Variants in CEP112 observed in about 807,000 individuals in gnomAD.
CEP112 encodes the protein centrosomal protein of 112 kDa.
Under a neutral mutation model 153.0 loss-of-function variants are expected in CEP112, and 127 were observed. The observed-to-expected ratio is 0.83, with a 90% CI of 0.72 to 0.96. CEP112 has a LOEUF of 0.96. Ranked by LOEUF, CEP112 falls within the 40% of genes least tolerant of loss-of-function variation. CEP112 has a pLI of 0.00. For missense variants in CEP112, 1,089 were observed against 1,101.2 expected, an observed-to-expected ratio of 0.99 and a Z score of 0.16; for synonymous variants, 358 against 374.4, an observed-to-expected ratio of 0.96 and a Z score of 0.51.
chr17:65,794,935 G>A (rs1204867978), intron 21 of CEP112, among the ~76,000 whole-genome samples: 1 of 152,232 alleles, frequency 6.6e-6, no homozygotes, highest in Admixed American at 6.5e-5. Context: ...ACTGTGATCT[G>A]TTTTGTTCAT....
At chr17:65,959,827 A>G in intron 18 of CEP112, among the ~76,000 whole-genome samples, 1 of 151,986 alleles carries the variant, frequency 6.6e-6, no homozygotes, top group East Asian at 1.9e-4. Context: ...TTGCTCACAT[A>G]CCCCTTGCTG....
chr17:66,031,918 C>T (rs1325693211), intron 12 of CEP112, among the ~76,000 whole-genome samples: 3 of 152,058 alleles, frequency 2.0e-5, no homozygotes, highest in Non-Finnish European at 4.4e-5. Context: ...AGATGGTGGC[C>T]GAGGCAGCCA....
In CEP112 at chr17:66,077,359, A is replaced by T. The variant is rs559295902; in HGVS notation, c.769-7358T>A. ...AGGAAATAGATAGCATAAAGAAAAA[A>T]CAATCAAAACTTCAGGAAAACATTG... On this transcript the variant is annotated intron_variant, in intron 8 of 26. Coordinates refer to ENST00000535342, the MANE Select transcript of CEP112 (RefSeq NM_001199165.4). 1.7e-3 allele frequency among the ~76,000 whole-genome samples: 266 copies of T among 152,332 alleles called. 1 individual carries two copies. The highest frequency in any genetic ancestry group is 3.0e-3 in the Non-Finnish European group (202 of 68,038).
At chr17:66,184,775 A>G (rs2072859985) in intron 1 of CEP112, among the ~76,000 whole-genome samples, 1 of 152,174 alleles carries the variant, frequency 6.6e-6, no homozygotes, top group Admixed American at 6.5e-5. Context: ...AAAAATCTAT[A>G]TACACAAAAA....
At chr17:65,636,949 C>A in intron 26 of CEP112, 175 bp downstream of exon 26, 1 of 604,638 alleles carries the variant, frequency 1.7e-6, no homozygotes. Context: ...AGACTAAGCA[C>A]TGGGATGAGA....
intron 19 of CEP112, among the ~76,000 whole-genome samples, chr17:65,915,507 C>T (rs2060443713): frequency 6.6e-6 from 1 of 151,978 alleles, no homozygotes; most frequent in Non-Finnish European, 1.5e-5. Flanking sequence ...CAAACTAGGC[C>T]GGGTGCAGTA....
In CEP112 at chr17:66,129,840, A is replaced by T; in HGVS notation, c.565-17T>A. On this transcript the variant is annotated splice_polypyrimidine_tract_variant and intron_variant, in intron 5 of 26. Coordinates refer to ENST00000535342, the MANE Select transcript of CEP112 (RefSeq NM_001199165.4). ...ATAAACTTCCTGAAATACAAAAGGG[A>T]AAAAGGAAGAGGAGAGGAAGGAAAG... is the stretch of plus-strand genomic sequence containing the variant. 1 of 1,509,706 alleles carries T rather than the reference A, an allele frequency of 6.6e-7. No homozygotes were observed. Among genetic ancestry groups the T allele is most frequent in the South Asian group, 1.1e-5 (1 of 87,582 alleles). 93.5% of individuals were successfully genotyped at this position (1,509,706 alleles called of 1,614,324 possible). A position where few individuals can be genotyped will look rare whatever the true frequency, so the allele number is the denominator to read the frequency against.
At chr17:65,907,245 A>G (rs1380727111) in intron 19 of CEP112, among the ~76,000 whole-genome samples, 1 of 152,182 alleles carries the variant, frequency 6.6e-6, no homozygotes, top group Admixed American at 6.5e-5. Flanking sequence ...AGACATTTGA[A>G]GTTTCTTATA....
At chr17:65,807,109 T>C (rs1471523830) in intron 21 of CEP112, among the ~76,000 whole-genome samples, 1 of 152,158 alleles carries the variant, frequency 6.6e-6, no homozygotes, top group African/African-American at 2.4e-5. Context: ...AAAGAACTTA[T>C]TGGGAAGTGG....
chr17:66,110,941 T>C (rs1228603298), intron 6 of CEP112, among the ~76,000 whole-genome samples: 3 of 151,992 alleles, frequency 2.0e-5, no homozygotes, highest in Non-Finnish European at 4.4e-5. Flanking sequence ...ACCTACAGAA[T>C]GGGAGAAAAT....
chr17:66,178,167 T>C (rs1407964942), intron 2 of CEP112, among the ~76,000 whole-genome samples: 1 of 152,194 alleles, frequency 6.6e-6, no homozygotes, highest in African/African-American at 2.4e-5. Flanking sequence ...CTCCACTAAT[T>C]TGCATTAACA....
chr17:65,936,534 T>TA (rs1404305662), intron 18 of CEP112, among the ~76,000 whole-genome samples: 2 of 151,600 alleles, frequency 1.3e-5, no homozygotes, highest in South Asian at 2.1e-4. Flanking sequence ...ATACTAGCAA[T>TA]AAAAAAACAA....
At chr17:65,774,640 G>A (rs1175809398) in intron 21 of CEP112, among the ~76,000 whole-genome samples, 3 of 152,296 alleles carry the variant, frequency 2.0e-5, no homozygotes, top group Middle Eastern at 3.4e-3. Flanking sequence ...GTCTCCGTGG[G>A]TGCTGGGTGC....
chr17:65,757,310 C>T (rs950845263), intron 21 of CEP112, among the ~76,000 whole-genome samples: 4 of 152,114 alleles, frequency 2.6e-5, no homozygotes, highest in Non-Finnish European at 4.4e-5. Context: ...GGCAAATGAT[C>T]CCCCAGGAAC....
chr17:65,663,729 A>C (rs1160911005), intron 24 of CEP112, among the ~76,000 whole-genome samples: 1 of 152,214 alleles, frequency 6.6e-6, no homozygotes, highest in African/African-American at 2.4e-5. Context: ...TGTGCAGAAC[A>C]CAAAGGAGGA....
chr17:65,937,306 G>C (rs1400948751), intron 18 of CEP112, among the ~76,000 whole-genome samples: 4 of 99,758 alleles, frequency 4.0e-5, no homozygotes, highest in African/African-American at 9.6e-5. Flanking sequence ...ATCTCTGCCC[G>C]GCCGCCATCC....
At chr17:65,925,467 A>G (rs958965607) in intron 19 of CEP112, among the ~76,000 whole-genome samples, 25 of 152,222 alleles carry the variant, frequency 1.6e-4, no homozygotes, top group Non-Finnish European at 3.7e-4. Flanking sequence ...TATTATGTCT[A>G]TGTATATACT....
intron 24 of CEP112, among the ~76,000 whole-genome samples, chr17:65,658,028 A>ACCTTATATG (rs1264000048): frequency 1.3e-5 from 2 of 152,196 alleles, no homozygotes; most frequent in Non-Finnish European, 2.9e-5. Flanking sequence ...CATTATGAAC[A>ACCTTATATG]CCTTATATGT....
chr17:66,009,731 A>T (rs140995768), intron 16 of CEP112, among the ~76,000 whole-genome samples: 429 of 152,244 alleles, frequency 2.8e-3, no homozygotes, highest in African/African-American at 9.5e-3. Context: ...TCATTTCCCC[A>T]TTGCTTTTTT....
Sources: allele counts gnomAD v4.1 joint callset (sites outside exome capture counted in the v4.1 genomes callset), GRCh38; gene constraint gnomAD v4.1.1; transcripts MANE v1.5; gene names NCBI Gene and HGNC (gene_info 2026-07-23, HGNC 2026-07-21).